PLA2G4C: variants seen among roughly 807,000 people sequenced by gnomAD.
The protein encoded by PLA2G4C is phospholipase A2 group IVC.
A neutral mutation model predicts 73.8 loss-of-function variants in PLA2G4C; 64 were observed. That is an observed-to-expected ratio of 0.87 (90% CI 0.71 to 1.07). The LOEUF is 1.07. Ranked by LOEUF, PLA2G4C falls within the 50% of genes least tolerant of loss-of-function variation. PLA2G4C has a pLI of 0.00. For missense variants in PLA2G4C, 622 were observed against 665.4 expected, an observed-to-expected ratio of 0.93 and a Z score of 0.72; for synonymous variants, 254 against 252.1, an observed-to-expected ratio of 1.01 and a Z score of -0.07.
intron 4 of PLA2G4C, among the ~76,000 whole-genome samples, chr19:48,101,674 C>CTTTTTTTTTTTTT (rs71181648): frequency 2.3e-5 from 3 of 131,830 alleles, no homozygotes; most frequent in African/African-American, 8.5e-5. Context: ...CCTTTAATAT[C>CTTTTTTTTTTTTT]TTTTTTTTTT....
chr19:48,083,918 A>G (rs1316390252), intron 10 of PLA2G4C, among the ~76,000 whole-genome samples: 3 of 152,114 alleles, frequency 2.0e-5, no homozygotes, highest in Admixed American at 2.0e-4. Context: ...AACCAGTTAC[A>G]TAGGTGAGTC....
intron 8 of PLA2G4C, among the ~76,000 whole-genome samples, chr19:48,089,416 C>CA (rs1209232300): frequency 6.6e-6 from 1 of 151,812 alleles, no homozygotes; most frequent in Non-Finnish European, 1.5e-5. Context: ...AACTCTGTCT[C>CA]AAAAAAACAA....
chr19:48,090,761 C>T (rs1443370242), intron 7 of PLA2G4C, among the ~76,000 whole-genome samples: 2 of 152,282 alleles, frequency 1.3e-5, no homozygotes, highest in East Asian at 1.9e-4. Flanking sequence ...AAATATTTCC[C>T]AGCCTCCCTT....
At chr19:48,070,555 A>T (rs1968617429) in intron 12 of PLA2G4C, among the ~76,000 whole-genome samples, 1 of 152,232 alleles carries the variant, frequency 6.6e-6, no homozygotes, top group Admixed American at 6.5e-5. Flanking sequence ...ATGGAATACT[A>T]TGCAGCCAGA....
At chr19:48,078,111 C>T (rs143220332) in intron 10 of PLA2G4C, among the ~76,000 whole-genome samples, 1 of 152,108 alleles carries the variant, frequency 6.6e-6, no homozygotes, top group African/African-American at 2.4e-5. Context: ...ATCACAGAAA[C>T]AGAATTAAAA....
chr19:48,099,654 A>C lies in PLA2G4C; in HGVS notation c.447+17T>G. 1 of 1,602,072 alleles carries C rather than the reference A, an allele frequency of 6.2e-7. No individual in the cohort carries two copies. The highest frequency in any genetic ancestry group is 1.1e-5 in the South Asian group (1 of 89,844). Reference sequence around the variant, plus strand: ...GCTCCTACCCCCACCCCAGGTCCCCAGCTGGGAATGACTTACTTCTCTGGT... The same window carrying C: ...GCTCCTACCCCCACCCCAGGTCCCCCGCTGGGAATGACTTACTTCTCTGGT... On this transcript the variant is annotated intron_variant, in intron 5 of 16. Transcript: ENST00000599921.
At chr19:48,077,848 G>C in intron 10 of PLA2G4C, 24 bp from the exon 11 acceptor site, 3 of 1,596,050 alleles carry the variant, frequency 1.9e-6, no homozygotes, top group Non-Finnish European at 2.6e-6. Flanking sequence ...GAGGCAGGGG[G>C]AATGTTTAAC....
intron 5 of PLA2G4C, among the ~76,000 whole-genome samples, chr19:48,098,946 T>G (rs74464556): frequency 0.056 from 8,437 of 149,336 alleles, 555 homozygotes; most frequent in East Asian, 0.23. Context: ...CCCGATGTGT[T>G]AGGATAGGCT....
intron 7 of PLA2G4C, among the ~76,000 whole-genome samples, chr19:48,092,758 G>A (rs1476236587): frequency 6.7e-6 from 1 of 150,362 alleles, no homozygotes; most frequent in Non-Finnish European, 1.5e-5. Context: ...CTAAGGGAGG[G>A]GGTGACAGGG....
intron 4 of PLA2G4C, among the ~76,000 whole-genome samples, chr19:48,101,293 G>A (rs182495261): frequency 2.6e-5 from 4 of 151,178 alleles, no homozygotes; most frequent in Admixed American, 1.3e-4. Flanking sequence ...ACCATGCCCT[G>A]CTCATTTTTA....
Position 48,101,126 on chromosome 19 carries a change from A to ATATATTTT in PLA2G4C, c.258-1267_258-1266insAAAATATA, listed in dbSNP as rs1491313107. On this transcript the variant is annotated intron_variant, in intron 4 of 16. Transcript: ENST00000599921. ...AGTCTATATATATATATATATATAT[A>ATATATTTT]TTTTTTTTTTTTTTTTTGAGACAGG... is the stretch of plus-strand genomic sequence containing the variant. Among the ~76,000 whole-genome samples the ATATATTTT allele has an allele frequency of 3.0e-3, 223 of 74,108 alleles. 4 individuals are homozygous for ATATATTTT. The highest frequency in any genetic ancestry group is 0.014 in the African/African-American group (212 of 15,566). The allele number at this position is 74,108 out of a possible 152,430, so 48.6% of individuals were successfully genotyped here.
intron 4 of PLA2G4C, among the ~76,000 whole-genome samples, chr19:48,103,036 C>A (rs1177226934): frequency 1.3e-5 from 2 of 152,278 alleles, no homozygotes; most frequent in Admixed American, 6.5e-5. Context: ...AAATATAAGG[C>A]TTTCGTTGTT....
intron 4 of PLA2G4C, among the ~76,000 whole-genome samples, chr19:48,100,527 C>G (rs2031841380): frequency 6.6e-6 from 1 of 150,804 alleles, no homozygotes; most frequent in Non-Finnish European, 1.5e-5. Flanking sequence ...ATCGCTTGAA[C>G]CCGGGAGGTG....
At chr19:48,068,506 G>A (rs1968534320) in intron 12 of PLA2G4C, among the ~76,000 whole-genome samples, 1 of 151,574 alleles carries the variant, frequency 6.6e-6, no homozygotes, top group African/African-American at 2.4e-5. Context: ...AAGAGAGCGA[G>A]ACCACATCTT....
chr19:48,062,226 G>C (rs11564636), intron 13 of PLA2G4C, 74 bp from the exon 14 acceptor site: 3 of 1,284,584 alleles, frequency 2.3e-6, no homozygotes, highest in Non-Finnish European at 3.2e-6. Flanking sequence ...GGAAGGCAGA[G>C]AGGGGGATGG....
At chr19:48,055,078 C>T (rs1211029953) in intron 14 of PLA2G4C, 29 bp from the exon 15 acceptor site, 1 of 1,565,200 alleles carries the variant, frequency 6.4e-7, no homozygotes, top group Non-Finnish European at 8.6e-7. Context: ...GAAATGGTTG[C>T]AAGACCTCTC....
In PLA2G4C at chr19:48,099,751, T is replaced by C. The variant is rs2031799139; in HGVS notation, c.367A>G (p.Thr123Ala). 6.2e-7 allele frequency: 1 copy of C among 1,613,856 alleles called. No homozygotes were observed. The highest frequency in any genetic ancestry group is 1.3e-5 in the African/African-American group (1 of 74,868). ...TTCTCAGACCTCGCTGCTTGGATGG[T>C]TTTCTGTAGGCTCTTAGCCAAGTCC... Reference protein sequence around the residue: ...EWDLAKSLQKTIQAARSENYS... With the variant: ...EWDLAKSLQKAIQAARSENYS... The change falls in exon 5 of 17, where the codon ACC (threonine) becomes GCC (alanine). Residue 123 changes from threonine (T) to alanine (A), a missense_variant. By Grantham distance (58) the Thr-to-Ala change is moderately conservative (BLOSUM62 0). Coordinates refer to ENST00000599921, the MANE Select transcript of PLA2G4C (RefSeq NM_003706.3).
chr19:48,080,533 G>A (rs1600209436), intron 10 of PLA2G4C, among the ~76,000 whole-genome samples: 1 of 152,320 alleles, frequency 6.6e-6, no homozygotes. Context: ...TGTGGGCTGG[G>A]TGCAGTGGCT....
intron 14 of PLA2G4C, among the ~76,000 whole-genome samples, chr19:48,057,480 CTTCTTTTT>C (rs1218266613): frequency 0.01 from 286 of 28,068 alleles, 1 homozygote; most frequent in South Asian, 0.026. Flanking sequence ...TCTTCTTCTT[CTTCTTTTT>C]TTTTTTTTTT....
Sources: gnomAD v4.1 joint callset for allele counts (sites outside exome capture counted in the v4.1 genomes callset) on GRCh38, gnomAD v4.1.1 for gene constraint, MANE v1.5 for transcripts, NCBI Gene and HGNC (gene_info 2026-07-23, HGNC 2026-07-21) for gene names.